The following SYNE2 variants were observed in gnomAD, a reference collection of about 807,000 sequenced individuals.
SYNE2 encodes nesprin-2.
In SYNE2, 431 loss-of-function variants were observed where a neutral mutation model predicts 856.3. The observed-to-expected ratio is 0.50, with a 90% CI of 0.47 to 0.55. The LOEUF is 0.55. SYNE2 is among the 20% of genes least tolerant of loss of function. The probability of loss-of-function intolerance (pLI) is 0.00; values close to 1 mark genes in which losing one functional copy is unlikely to be tolerated. For missense variants in SYNE2, 8,129 were observed against 8,023.2 expected, an observed-to-expected ratio of 1.01 and a Z score of -0.50; for synonymous variants, 2,923 against 2,872.3, an observed-to-expected ratio of 1.02 and a Z score of -0.56.
intron 11 of SYNE2, among the ~76,000 whole-genome samples, chr14:63,975,916 G>A (rs1462897203): frequency 6.6e-6 from 1 of 152,186 alleles, no homozygotes; most frequent in Non-Finnish European, 1.5e-5. Context: ...AGCGCTTGCC[G>A]GGGGGACATC....
chr14:64,179,674 G>A (rs1019014163), intron 96 of SYNE2, among the ~76,000 whole-genome samples: 1 of 151,206 alleles, frequency 6.6e-6, no homozygotes, highest in African/African-American at 2.4e-5. Context: ...TTTCATATTT[G>A]CCCTTTTGTG....
chr14:64,026,556 A>G (rs1325990671), intron 41 of SYNE2, 23 bp from the exon 42 acceptor site: 6 of 1,595,136 alleles, frequency 3.8e-6, no homozygotes, highest in Non-Finnish European at 5.1e-6. Context: ...ATGACATTAT[A>G]AAATCTCTTT....
intron 1 of SYNE2, among the ~76,000 whole-genome samples, chr14:63,811,288 C>G (rs573170777): frequency 4.6e-5 from 7 of 152,212 alleles, no homozygotes; most frequent in African/African-American, 1.4e-4. Context: ...CAGGGTCTTG[C>G]TCTGTCACCC....
chr14:63,924,779 A>G (rs950286592), intron 2 of SYNE2, among the ~76,000 whole-genome samples: 3 of 145,158 alleles, frequency 2.1e-5, no homozygotes, highest in Non-Finnish European at 3.0e-5. Context: ...TTCTGCATAA[A>G]AGTTCATGTC....
chr14:64,219,126 A>AAAACC, intron 109 of SYNE2, 82 bp from the exon 110 acceptor site: 1 of 816,294 alleles, frequency 1.2e-6, no homozygotes, highest in Non-Finnish European at 1.8e-6. Flanking sequence ...TTTTTTTTTA[A>AAAACC]CCACCCTGAC....
At chr14:64,187,198 A>G (rs2098496213) in intron 97 of SYNE2, among the ~76,000 whole-genome samples, 1 of 152,244 alleles carries the variant, frequency 6.6e-6, no homozygotes. Context: ...AGGGGTTCAA[A>G]TAGTCTTAAA....
intron 1 of SYNE2, among the ~76,000 whole-genome samples, chr14:63,827,638 A>AAAAAAC (rs1889493639): frequency 9.8e-6 from 1 of 102,086 alleles, no homozygotes; most frequent in Non-Finnish European, 2.1e-5. Flanking sequence ...AAAAAAAAAA[A>AAAAAAC]AAAAAAAAAA....
intron 1 of SYNE2, among the ~76,000 whole-genome samples, chr14:63,831,398 G>A (rs1889661909): frequency 6.6e-6 from 1 of 151,862 alleles, no homozygotes; most frequent in Admixed American, 6.6e-5. Context: ...GAAAAAGTCT[G>A]AACATGATTT....
chr14:63,866,552 A>G (rs75230918), intron 1 of SYNE2, among the ~76,000 whole-genome samples: 2,076 of 152,260 alleles, frequency 0.014, 43 homozygotes, highest in African/African-American at 0.047. Flanking sequence ...TGGACAACCT[A>G]CAGTGCAAAA....
intron 1 of SYNE2, among the ~76,000 whole-genome samples, chr14:63,884,630 G>A (rs1000352692): frequency 1.3e-5 from 2 of 152,078 alleles, no homozygotes; most frequent in African/African-American, 4.8e-5. Context: ...AGGTGAGAGA[G>A]TGTGTGCAAA....
At chr14:64,050,963 G>A (rs918988614) in intron 47 of SYNE2, among the ~76,000 whole-genome samples, 4 of 151,744 alleles carry the variant, frequency 2.6e-5, no homozygotes, top group Admixed American at 6.6e-5. Context: ...AGAGGTTGCA[G>A]TGAGCTGAGA....
At chr14:63,935,319 T>C (rs1036612805) in intron 2 of SYNE2, among the ~76,000 whole-genome samples, 3 of 152,196 alleles carry the variant, frequency 2.0e-5, no homozygotes, top group Non-Finnish European at 4.4e-5. Flanking sequence ...AAACTGGTAA[T>C]GCATAAAAAA....
chr14:64,041,000 G>A (rs2097144282), intron 45 of SYNE2, among the ~76,000 whole-genome samples: 2 of 152,068 alleles, frequency 1.3e-5, no homozygotes, highest in South Asian at 4.1e-4. Context: ...AATAAAACAA[G>A]TATGTCAATA....
chr14:63,768,685 T>C (rs533460229), intron 1 of SYNE2, among the ~76,000 whole-genome samples: 1 of 152,122 alleles, frequency 6.6e-6, no homozygotes, highest in South Asian at 2.1e-4. Context: ...GTCCGTATTG[T>C]AGGATTAGCC....
intron 1 of SYNE2, among the ~76,000 whole-genome samples, chr14:63,867,685 G>A (rs1433892872): frequency 6.6e-6 from 1 of 151,838 alleles, no homozygotes; most frequent in African/African-American, 2.4e-5. Context: ...ATGACAGAGC[G>A]AGACTCTGTC....
At chr14:64,208,286 T>C (rs2098618869) in intron 100 of SYNE2, 1 of 399,640 alleles carries the variant, frequency 2.5e-6, no homozygotes, top group South Asian at 1.9e-5. Flanking sequence ...ATGCACAATT[T>C]GGTGTGTGTT....
chr14:64,179,090 A>T (rs1051910049), intron 96 of SYNE2, among the ~76,000 whole-genome samples: 2 of 152,140 alleles, frequency 1.3e-5, no homozygotes, highest in Non-Finnish European at 2.9e-5. Flanking sequence ...AGTAAACAAA[A>T]TACATAAATT....
chr14:64,152,743 A>G (rs374504849), intron 85 of SYNE2, 27 bp downstream of exon 85: 15 of 1,613,496 alleles, frequency 9.3e-6, no homozygotes, highest in African/African-American at 2.7e-5. Context: ...GAAATGTGCT[A>G]TTTCTCTTCA....
At chr14:63,876,605 A>T (rs538574728) in intron 1 of SYNE2, among the ~76,000 whole-genome samples, 1 of 151,498 alleles carries the variant, frequency 6.6e-6, no homozygotes, top group South Asian at 2.1e-4. Context: ...CTCCTGCCTC[A>T]GGCTCCCGAG....
Sources: allele counts gnomAD v4.1 joint callset (sites outside exome capture counted in the v4.1 genomes callset), GRCh38; gene constraint gnomAD v4.1.1; transcripts MANE v1.5; gene names NCBI Gene and HGNC (gene_info 2026-07-23, HGNC 2026-07-21).